Variants in NUCB2 observed in about 807,000 individuals in gnomAD.
NUCB2 encodes nucleobindin 2, also known as nucleobindin-2.
NUCB2 carries 48 observed loss-of-function variants against 57.9 expected under a neutral mutation model. The observed-to-expected ratio is 0.83, with a 90% confidence interval of 0.66 to 1.05. The LOEUF (loss-of-function observed/expected upper bound fraction) is 1.05, where lower values mean the gene tolerates loss of function less well. NUCB2 is among the 50% of genes least tolerant of loss of function. NUCB2 has a pLI of 0.00. For missense variants in NUCB2, 442 were observed against 476.2 expected, an observed-to-expected ratio of 0.93 and a Z score of 0.67; for synonymous variants, 139 against 152.1, an observed-to-expected ratio of 0.91 and a Z score of 0.64.
intron 11 of NUCB2, among the ~76,000 whole-genome samples, chr11:17,319,566 G>A (rs1949738168): frequency 6.6e-6 from 1 of 152,072 alleles, no homozygotes; most frequent in Non-Finnish European, 1.5e-5. Context: ...ATATGGATGT[G>A]TATATGTACA....
chr11:17,309,799 T>C (rs2138875228), intron 6 of NUCB2, 124 bp downstream of exon 6: 1 of 584,786 alleles, frequency 1.7e-6, no homozygotes, highest in African/African-American at 1.9e-5. Context: ...TAAAGGAAGG[T>C]AGCTTAACCC....
At chr11:17,322,140 A>G (rs919657928) in intron 11 of NUCB2, among the ~76,000 whole-genome samples, 1 of 152,092 alleles carries the variant, frequency 6.6e-6, no homozygotes, top group Non-Finnish European at 1.5e-5. Context: ...GTCTGTGCTT[A>G]CGGATATTAC....
At chr11:17,333,386 G>C (rs938527874), downstream of NUCB2, 2 of 152,262 alleles carry the variant, frequency 1.3e-5, no homozygotes, top group Admixed American at 6.5e-5. Context: ...AACAGCTACA[G>C]TCTATTGCAG....
chr11:17,348,933 C>T (rs986474559), intron 2 of NUCB2, among the ~76,000 whole-genome samples: 3 of 152,248 alleles, frequency 2.0e-5, no homozygotes, highest in Middle Eastern at 6.8e-3. Context: ...GCGTCTGCCA[C>T]CACACCTGGC....
In NUCB2 at chr11:17,310,982, A is replaced by G. The variant is rs529810300; in HGVS notation, c.641A>G (p.His214Arg). The G allele has an allele frequency of 5.1e-6, 8 of 1,581,472 alleles. No individual in the cohort carries two copies. Among genetic ancestry groups the G allele is most frequent in the Non-Finnish European group, 6.8e-6 (8 of 1,172,240 alleles). Residue 214 changes from histidine (H) to arginine (R), a missense_variant, in exon 7 of 14, where the codon CAT becomes CGT. Transcript: ENST00000529010. ...AAATTTGAAGAAATGAAGAAAAAGC[A>G]TGAAAATCACCCTAAAGTTAATCAC... ...ESKFEEMKKKHENHPKVNHPG... is the reference protein window; with the variant it reads ...ESKFEEMKKKRENHPKVNHPG...
intron 3 of NUCB2, among the ~76,000 whole-genome samples, 198 bp from the exon 4 acceptor site, chr11:17,295,906 T>C (rs957861261): frequency 6.6e-6 from 1 of 152,200 alleles, no homozygotes; most frequent in African/African-American, 2.4e-5. Context: ...AATCTACCTT[T>C]AAGTAACAAT....
chr11:17,323,322 A>G (rs1220462101), intron 11 of NUCB2, among the ~76,000 whole-genome samples: 1 of 152,170 alleles, frequency 6.6e-6, no homozygotes, highest in Admixed American at 6.5e-5. Context: ...CTTTTTCAGC[A>G]TCAGTTGAAA....
At chr11:17,338,795 C>T (rs957203175) in intron 2 of NUCB2, among the ~76,000 whole-genome samples, 38 of 151,832 alleles carry the variant, frequency 2.5e-4, no homozygotes, top group African/African-American at 7.7e-4. Context: ...TCCCAAGTAG[C>T]GGGGACTATA....
chr11:17,279,811 G>C (rs1942179631), intron 1 of NUCB2, among the ~76,000 whole-genome samples: 1 of 134,374 alleles, frequency 7.4e-6, no homozygotes, highest in Admixed American at 8.3e-5. Flanking sequence ...TTTGAGACAG[G>C]GCCTCACTCT....
chr11:17,277,660 C>A (rs1824789013), intron 1 of NUCB2, among the ~76,000 whole-genome samples: 1 of 152,212 alleles, frequency 6.6e-6, no homozygotes, highest in South Asian at 2.1e-4. Flanking sequence ...ACCATTTAAG[C>A]CTGCTACTAA....
In NUCB2 at chr11:17,310,914, T is replaced by C. The variant is rs11024249; in HGVS notation, c.573T>C (p.Tyr191=). The C allele has an allele frequency of 2.6e-4, 407 of 1,592,096 alleles. 4 individuals are homozygous for C. In the East Asian group the frequency reaches 8.4e-3, roughly 33 times the overall value. Reference sequence around the variant, plus strand: ...TGAAGGAACATGAAAGGAGAGAATATTTAAAAACATTGAATGAAGAAAAGA... The same window carrying C: ...TGAAGGAACATGAAAGGAGAGAATACTTAAAAACATTGAATGAAGAAAAGA... ...EMMKEHERRE[Y]LKTLNEEKRK... Residue 191 remains tyrosine (Y), a synonymous_variant, in exon 7 of 14, where the codon TAT becomes TAC. Transcript: ENST00000529010.
intron 11 of NUCB2, among the ~76,000 whole-genome samples, chr11:17,328,447 A>G (rs917493504): frequency 2.6e-5 from 4 of 152,128 alleles, no homozygotes; most frequent in Non-Finnish European, 5.9e-5. Flanking sequence ...CAGGGAATGG[A>G]GTAAAAAACC....
At chr11:17,283,470 C>T (rs1028756812) in intron 2 of NUCB2, 1 of 152,220 alleles carries the variant, frequency 6.6e-6, no homozygotes, top group Non-Finnish European at 1.5e-5. Flanking sequence ...GCTCTGAAAT[C>T]TGTAAGCTGT....
At chr11:17,328,142 C>T (rs1029307921) in intron 11 of NUCB2, among the ~76,000 whole-genome samples, 6 of 152,256 alleles carry the variant, frequency 3.9e-5, no homozygotes, top group Non-Finnish European at 7.3e-5. Flanking sequence ...TTTGCAGACT[C>T]TTAAAAGTAC....
intron 4 of NUCB2, among the ~76,000 whole-genome samples, chr11:17,298,518 T>C (rs902681924): frequency 1.3e-5 from 2 of 151,638 alleles, no homozygotes; most frequent in Non-Finnish European, 2.9e-5. Flanking sequence ...CAGTGAGCCA[T>C]GATTATATGA....
intron 2 of NUCB2, among the ~76,000 whole-genome samples, chr11:17,340,847 A>C (rs1475002611): frequency 6.6e-6 from 1 of 152,148 alleles, no homozygotes; most frequent in Admixed American, 6.6e-5. Context: ...AGTTTTTTCC[A>C]ATTCTGTGAA....
In NUCB2 at chr11:17,330,842, A is replaced by G; in HGVS notation, c.1174-60A>G. The G allele has an allele frequency of 2.1e-6, 2 of 954,866 alleles. No individual in the cohort carries two copies. Among genetic ancestry groups the G allele is most frequent in the South Asian group, 2.7e-5 (2 of 75,226 alleles). 59.1% of individuals were successfully genotyped at this position (954,866 alleles called of 1,614,324 possible). On this transcript the variant is annotated intron_variant, in intron 12 of 13. Transcript: ENST00000529010. This position sits in a 1 kb window ranked among gnomAD's most constrained non-coding sequence, Gnocchi z 4.3. ...CATTTACTTTGTTGTGCTTTGTCAA[A>G]GGTCACACATATGATAGAAAATCAA...
rs935508487 is a variant in NUCB2, at chr11:17,331,627, T to C, written c.*208T>C. On this transcript the variant is annotated 3_prime_UTR_variant, in exon 14 of 14. Coordinates refer to ENST00000529010, the MANE Select transcript of NUCB2 (RefSeq NM_005013.4). ...AGAACCAGGAAGAAAACAAACTCAC[T>C]GTCTGCTCTCTGCTCTCACATTCAC... 2 of 394,572 alleles carry C rather than the reference T, an allele frequency of 5.1e-6. No homozygotes were observed. The highest frequency in any genetic ancestry group is 9.1e-6 in the Non-Finnish European group (2 of 218,710). The allele number at this position is 394,572 out of a possible 1,614,324, so 24.4% of individuals were successfully genotyped here. A position where few individuals can be genotyped will look rare whatever the true frequency, so the allele number is the denominator to read the frequency against.
At chr11:17,295,493 G>T in intron 3 of NUCB2, 26 bp downstream of exon 3, 1 of 1,518,694 alleles carries the variant, frequency 6.6e-7, no homozygotes, top group Non-Finnish European at 9.1e-7. Flanking sequence ...TGAAATGGGA[G>T]GAATTATAAC....
Sources: gnomAD v4.1 joint callset for allele counts (sites outside exome capture counted in the v4.1 genomes callset) on GRCh38, gnomAD v4.1.1 for gene constraint, Gnocchi (gnomAD v3.1) non-coding constraint, MANE v1.5 for transcripts, NCBI Gene and HGNC (gene_info 2026-07-23, HGNC 2026-07-21) for gene names.